STRN4: variants seen among roughly 807,000 people sequenced by gnomAD.
STRN4 encodes striatin 4.
A neutral mutation model predicts 77.9 loss-of-function variants in STRN4; 27 were observed. The observed-to-expected ratio is 0.35, with a 90% CI of 0.26 to 0.48. The LOEUF (loss-of-function observed/expected upper bound fraction) is 0.48. Among genes scored for constraint, STRN4 ranks in the 20% least tolerant of loss-of-function variants. The pLI is 0.99. For missense variants in STRN4, 798 were observed against 1,049.7 expected (o/e 0.76, Z 3.31); for synonymous variants, 466 against 443.1 (o/e 1.05, Z -0.65).
At chr19:46,729,238 C>T (rs553990606) in intron 6 of STRN4, among the ~76,000 whole-genome samples, 3 of 152,318 alleles carry the variant, frequency 2.0e-5, no homozygotes, top group Non-Finnish European at 2.9e-5. Context: ...GACTACCCCT[C>T]GCAGACACGA....
Position 46,728,598 on chromosome 19 carries a change from G to A in STRN4, c.1039+20C>T. ...CGGTGGGGAAGGCAAGCGGGGGCTG[G>A]CCAGAAAACGTCAGCTCACCCAGCT... On this transcript the variant is annotated intron_variant, in intron 7 of 17. Transcript: ENST00000263280. 1 of 1,606,972 alleles carries A rather than the reference G, an allele frequency of 6.2e-7. No homozygotes were observed. Among genetic ancestry groups the A allele is most frequent in the Non-Finnish European group, 8.5e-7 (1 of 1,176,204 alleles).
chr19:46,723,016 G>A lies in STRN4; in HGVS notation c.1766-66C>T, dbSNP rs2054017479. The stretch of plus-strand genomic sequence containing the variant: ...AGACCCAGCCCTGCCCCAGGGTGGG[G>A]GACAGTGGGTGGGAGGCCTGGGGCC... On this transcript the variant is annotated intron_variant, in intron 13 of 17. Coordinates refer to ENST00000263280, the MANE Select transcript of STRN4 (RefSeq NM_013403.3). The surrounding 1 kb of genome is among the most constrained non-coding windows in gnomAD (Gnocchi z 5.5). 2 of 1,601,646 alleles carry A rather than the reference G, an allele frequency of 1.2e-6. No individual in the cohort carries two copies. Among genetic ancestry groups the A allele is most frequent in the Non-Finnish European group, 8.5e-7 (1 of 1,172,800 alleles).
At chr19:46,744,651 T>C (rs1390284532) in intron 1 of STRN4, among the ~76,000 whole-genome samples, 3 of 152,052 alleles carry the variant, frequency 2.0e-5, no homozygotes, top group African/African-American at 7.2e-5. Context: ...TCCCCAAGTG[T>C]TGGGATTACA....
chr19:46,721,895 C>T (rs1754133481), intron 16 of STRN4, 91 bp downstream of exon 16: 18 of 1,483,110 alleles, frequency 1.2e-5, no homozygotes, highest in Middle Eastern at 1.8e-4. Flanking sequence ...CCCTGGCCCC[C>T]GGGGCCCCCT....
Position 46,736,805 on chromosome 19 carries a change from C to A in STRN4, c.539+18G>T, listed in dbSNP as rs761733973. Reference sequence around the variant, plus strand: ...AACGTGTCACGTGTCCCCAGCCCCCCTCCCCGAGCACACTCACTGTCGGAG... The same window carrying A: ...AACGTGTCACGTGTCCCCAGCCCCCATCCCCGAGCACACTCACTGTCGGAG... On this transcript the variant is annotated intron_variant, in intron 4 of 17. Coordinates refer to ENST00000263280, the MANE Select transcript of STRN4 (RefSeq NM_013403.3). 6.2e-7 allele frequency: 1 copy of A among 1,611,748 alleles called. No homozygotes were observed. The highest frequency in any genetic ancestry group is 1.1e-5 in the South Asian group (1 of 90,774).
At chr19:46,726,806 G>A (rs1024038276) in intron 9 of STRN4, among the ~76,000 whole-genome samples, 4 of 152,128 alleles carry the variant, frequency 2.6e-5, no homozygotes, top group African/African-American at 9.7e-5. Context: ...CAGAGGATCT[G>A]CTACTGTGTG....
Position 46,738,793 on chromosome 19 carries a change from C to G in STRN4, c.378G>C (p.Lys126Asn). ...GCAGGATGAAGGCTCACCTTTCCTG[C>G]TTCAGCGCATACTCTAGCATCTTGA... The part of the protein sequence containing the change: ...RRIKMLEYAL[K>N]QERAKYHKLK... The change falls in exon 2 of 18, where the codon AAG becomes AAC. Residue 126 changes from lysine (K) to asparagine (N), a missense_variant. Around this residue, in one of 2 missense-constraint regions of STRN4, gnomAD observed 511 missense variants for 575.9 expected, o/e 0.89. Coordinates refer to ENST00000263280, the MANE Select transcript of STRN4 (RefSeq NM_013403.3). The surrounding 1 kb of genome is among the most constrained non-coding windows in gnomAD (Gnocchi z 4.5). The G allele has an allele frequency of 6.2e-7, 1 of 1,614,144 alleles. No individual in the cohort carries two copies. The highest frequency in any genetic ancestry group is 8.5e-7 in the Non-Finnish European group (1 of 1,180,030).
intron 1 of STRN4, among the ~76,000 whole-genome samples, chr19:46,744,761 G>A (rs2054544226): frequency 6.6e-6 from 1 of 151,768 alleles, no homozygotes; most frequent in South Asian, 2.1e-4. Context: ...AATCGGAAGG[G>A]GAAAGGTGGG....
At chr19:46,727,723 G>A (rs767090820) in intron 8 of STRN4, 171 bp downstream of exon 8, 32 of 756,730 alleles carry the variant, frequency 4.2e-5, no homozygotes, top group Non-Finnish European at 6.2e-5. Flanking sequence ...GACAGGGCAG[G>A]ACAGACAAAA....
chr19:46,728,432 A>G, intron 7 of STRN4, 186 bp downstream of exon 7: 1 of 786,876 alleles, frequency 1.3e-6, no homozygotes. Context: ...GGGATTTTCC[A>G]GGGAAGGGGT....
Position 46,728,001 on chromosome 19 carries a change from C to T in STRN4, c.1046G>A (p.Arg349His), listed in dbSNP as rs763236224. 34 of 1,613,718 alleles carry T rather than the reference C, an allele frequency of 2.1e-5. No individual in the cohort carries two copies. In the Admixed American group the frequency reaches 2.3e-4, roughly 11 times the overall value. Reference protein sequence around the residue: ...VDGSPHELESRRVKLQGILAD... With the variant: ...VDGSPHELESHRVKLQGILAD... ...CAGAATGCCTTGGAGTTTGACCCGA[C>T]GGCTTTCTGCAGGGTCGAGGCATAG... Residue 349 changes from arginine to histidine, a missense_variant, in exon 8 of 18, where the codon CGT (arginine) becomes CAT (histidine). By Grantham distance (29) the Arg-to-His change is conservative (BLOSUM62 0). Transcript: ENST00000263280.
In STRN4 at chr19:46,736,873, G is replaced by C; in HGVS notation, c.489C>G (p.Thr163=). The change falls in exon 4 of 18, where the codon ACC becomes ACG. Residue 163 remains threonine (T), a synonymous_variant. Transcript: ENST00000263280. ...QVSNGPVESV[T]LENSPLVWKE... The stretch of plus-strand genomic sequence containing the variant: ...TCCACACCAACGGGCTGTTCTCCAG[G>C]GTGACCGATTCCACGGGGCCATTGG... 6.2e-7 allele frequency: 1 copy of C among 1,613,172 alleles called. No individual in the cohort carries two copies. Among genetic ancestry groups the C allele is most frequent in the Admixed American group, 1.7e-5 (1 of 59,926 alleles).
chr19:46,743,212 C>T (rs1599899784), intron 1 of STRN4, among the ~76,000 whole-genome samples: 1 of 152,134 alleles, frequency 6.6e-6, no homozygotes. Flanking sequence ...AGAGAAGGAA[C>T]TTTCCTTTTT....
rs368153405 is a variant in STRN4 at position 46,738,377 on chromosome 19, C to A, written c.387-140G>T. ...TACTACTGAGGCTGAAGCATCCCCC[C>A]ACACCCCTGGCCTGGTGGAAGAAAC... On this transcript the variant is annotated intron_variant, in intron 2 of 17. Transcript: ENST00000263280. This position sits in a 1 kb window ranked among gnomAD's most constrained non-coding sequence, Gnocchi z 4.5. 120 of 844,978 alleles carry A rather than the reference C, an allele frequency of 1.4e-4. No homozygotes were observed. In the East Asian group the frequency reaches 2.6e-3, roughly 18 times the overall value. 52.3% of individuals were successfully genotyped at this position (844,978 alleles called of 1,614,324 possible). A position where few individuals can be genotyped will look rare whatever the true frequency, so the allele number is the denominator to read the frequency against.
At position 46,733,557 on chromosome 19, in the gene STRN4, C is replaced by G; in HGVS notation, c.540-321G>C. The G allele has an allele frequency of 3.2e-6, 1 of 308,300 alleles. No homozygotes were observed. Among genetic ancestry groups the G allele is most frequent in the Non-Finnish European group, 6.2e-6 (1 of 161,828 alleles). 19.1% of individuals were successfully genotyped at this position (308,300 alleles called of 1,614,324 possible). On this transcript the variant is annotated intron_variant, in intron 4 of 17. Coordinates refer to ENST00000263280, the MANE Select transcript of STRN4 (RefSeq NM_013403.3). The surrounding 1 kb of genome is among the most constrained non-coding windows in gnomAD (Gnocchi z 4.3). Reference sequence around the variant, plus strand: ...ATAGCGCTGCAAGGCAGAAGATCAACAGGGCAGAGCCTTAAGGGAAGCTGG... The same window carrying G: ...ATAGCGCTGCAAGGCAGAAGATCAAGAGGGCAGAGCCTTAAGGGAAGCTGG...
chr19:46,725,209 G>A lies in STRN4; in HGVS notation c.1472+123C>T, dbSNP rs115347379. 534 of 1,346,564 alleles carry A rather than the reference G, an allele frequency of 4.0e-4. 3 individuals carry two copies. The African/African-American group carries it at 6.2e-3, about 16-fold the overall frequency. 83.4% of individuals were successfully genotyped at this position (1,346,564 alleles called of 1,614,324 possible). A position where few individuals can be genotyped will look rare whatever the true frequency, so the allele number is the denominator to read the frequency against. On this transcript the variant is annotated intron_variant, in intron 11 of 17. Transcript: ENST00000263280. ...GGGCTGTGTATATCATGAAGGGGGCGGGGACTCAGAGCCCCCTGCTGTCCT... is the reference window on the plus strand; with the variant it reads ...GGGCTGTGTATATCATGAAGGGGGCAGGGACTCAGAGCCCCCTGCTGTCCT...
At position 46,738,771 on chromosome 19, in the gene STRN4, G is replaced by A. The variant is rs2054418854; in HGVS notation, c.386+14C>T. 1 of 1,613,652 alleles carries A rather than the reference G, an allele frequency of 6.2e-7. No individual in the cohort carries two copies. Among genetic ancestry groups the A allele is most frequent in the Admixed American group, 1.7e-5 (1 of 59,984 alleles). ...GGACCCAGAAGGCAGGCCCAGGGCAGGATGAAGGCTCACCTTTCCTGCTTC... is the reference window on the plus strand; with the variant it reads ...GGACCCAGAAGGCAGGCCCAGGGCAAGATGAAGGCTCACCTTTCCTGCTTC... On this transcript the variant is annotated intron_variant, in intron 2 of 17. Coordinates refer to ENST00000263280, the MANE Select transcript of STRN4 (RefSeq NM_013403.3). This position sits in a 1 kb window ranked among gnomAD's most constrained non-coding sequence, Gnocchi z 4.5.
At chr19:46,739,112 C>T (rs531046818) in intron 1 of STRN4, among the ~76,000 whole-genome samples, 4 of 152,212 alleles carry the variant, frequency 2.6e-5, no homozygotes, top group African/African-American at 4.8e-5. Flanking sequence ...CAACGAGGGC[C>T]GAAGGGGAGC....
rs762635206 is a variant in STRN4, at chr19:46,722,276, G to A, written c.1971C>T (p.Asp657=). 38 of 1,614,102 alleles carry A rather than the reference G, an allele frequency of 2.4e-5. No individual in the cohort carries two copies. The highest frequency in any genetic ancestry group is 5.3e-5 in the African/African-American group (4 of 74,942). Residue 657 remains aspartate, a synonymous_variant, in exon 15 of 18, where the codon GAC becomes GAT. Coordinates refer to ENST00000263280, the MANE Select transcript of STRN4 (RefSeq NM_013403.3). Reference sequence around the variant, plus strand: ...TGTCCAGGAAGCGGATGCCCCTGTCGTCGTGGGCGGTGATGGTGAGAGGCT... The same window carrying A: ...TGTCCAGGAAGCGGATGCCCCTGTCATCGTGGGCGGTGATGGTGAGAGGCT... ...PNQPLTITAH[D]DRGIRFLDNR...
Sources: gnomAD v4.1 joint callset for allele counts (sites outside exome capture counted in the v4.1 genomes callset) on GRCh38, gnomAD v4.1.1 for gene constraint, gnomAD v4.1.1 regional missense constraint, Gnocchi (gnomAD v3.1) non-coding constraint, MANE v1.5 for transcripts, NCBI Gene and HGNC (gene_info 2026-07-23, HGNC 2026-07-21) for gene names.